The following PDE1C variants were observed in gnomAD, a reference collection of about 807,000 sequenced individuals.
PDE1C encodes dual specificity calcium/calmodulin-dependent 3',5'-cyclic nucleotide phosphodiesterase 1C.
Under a neutral mutation model 93.1 loss-of-function variants are expected in PDE1C, and 62 were observed. The ratio of observed to expected loss-of-function variants is 0.67; its 90% CI spans 0.54 to 0.82. The LOEUF is 0.82. PDE1C is among the 40% of genes least tolerant of loss of function. PDE1C has a pLI of 0.00. For synonymous variants in PDE1C, 325 were observed against 310.1 expected, an observed-to-expected ratio of 1.05 and a Z score of -0.50; for missense variants, 742 against 884.6, an observed-to-expected ratio of 0.84 and a Z score of 2.04.
chr7:31,619,620 G>C, the PDE1C span, among the ~76,000 whole-genome samples: 1 of 152,086 alleles, frequency 6.6e-6, no homozygotes, highest in African/African-American at 2.4e-5. Flanking sequence ...TAAAGAAGGG[G>C]GAGGAGCCAA....
At chr7:32,401,028 T>C (rs1042343440) in intron 1 of PDE1C, among the ~76,000 whole-genome samples, 2 of 152,252 alleles carry the variant, frequency 1.3e-5, no homozygotes, top group Non-Finnish European at 1.5e-5. Context: ...GCTGCCCGTA[T>C]ACTTTTCACA....
At chr7:31,891,177 G>C (rs571676559) in intron 2 of PDE1C, among the ~76,000 whole-genome samples, 189 of 152,270 alleles carry the variant, frequency 1.2e-3, no homozygotes, top group African/African-American at 4.4e-3. Context: ...ATGTGCGAGA[G>C]GTTTTTATGA....
intron 3 of PDE1C, among the ~76,000 whole-genome samples, chr7:32,135,191 A>G (rs1465623213): frequency 6.6e-6 from 1 of 152,202 alleles, no homozygotes; most frequent in African/African-American, 2.4e-5. Context: ...AAAATGTAAT[A>G]CAATAGAGAA....
At chr7:31,673,263 T>A in the PDE1C span, among the ~76,000 whole-genome samples, 1 of 152,172 alleles carries the variant, frequency 6.6e-6, no homozygotes, top group South Asian at 2.1e-4. Context: ...AGATGAAGAT[T>A]CTGTTTGATT....
At chr7:32,419,117 A>C (rs972888998) in intron 1 of PDE1C, among the ~76,000 whole-genome samples, 1 of 152,214 alleles carries the variant, frequency 6.6e-6, no homozygotes, top group Non-Finnish European at 1.5e-5. Flanking sequence ...TTTTTTAAAT[A>C]TCTTTACTCA....
At chr7:32,288,484 G>T (rs552890566) in intron 1 of PDE1C, among the ~76,000 whole-genome samples, 2 of 152,234 alleles carry the variant, frequency 1.3e-5, no homozygotes, top group African/African-American at 4.8e-5. Flanking sequence ...TAAACGGTTG[G>T]CCTCATGAAT....
Position 31,903,020 on chromosome 7 carries a change from C to T in PDE1C, c.129-22160G>A, listed in dbSNP as rs116677950. On this transcript the variant is annotated intron_variant, in intron 2 of 17. Coordinates refer to ENST00000396191, the MANE Select transcript of PDE1C (RefSeq NM_001191057.4). ...TACATATCAGAATATTTTATAACTG[C>T]ATATTTCATTTGAACAAATAAACTT... 5.7e-3 allele frequency among the ~76,000 whole-genome samples: 865 copies of T among 151,756 alleles called. 10 individuals are homozygous for T. The highest frequency in any genetic ancestry group is 0.019 in the African/African-American group (805 of 41,506).
At chr7:31,754,420 T>G (rs1284219346) in intron 17 of PDE1C, among the ~76,000 whole-genome samples, 1 of 152,206 alleles carries the variant, frequency 6.6e-6, no homozygotes, top group Non-Finnish European at 1.5e-5. Context: ...TATGTCCACA[T>G]AAAAACCCAC....
the PDE1C span, among the ~76,000 whole-genome samples, chr7:31,694,459 T>C: frequency 6.6e-6 from 1 of 151,548 alleles, no homozygotes; most frequent in African/African-American, 2.4e-5. Flanking sequence ...ATTGAGAGAA[T>C]ATTAGTTTCT....
At chr7:31,644,134 G>A in the PDE1C span, among the ~76,000 whole-genome samples, 5 of 152,212 alleles carry the variant, frequency 3.3e-5, no homozygotes, top group Middle Eastern at 3.4e-3. Context: ...ATTTCTTCTC[G>A]ATACTTCCAA....
intron 2 of PDE1C, among the ~76,000 whole-genome samples, chr7:32,008,315 T>G (rs1786547574): frequency 6.6e-6 from 1 of 152,192 alleles, no homozygotes; most frequent in Admixed American, 6.5e-5. Context: ...ATCCTCTGAA[T>G]TTGTTGACTT....
Position 31,824,914 on chromosome 7 carries a change from T to G in PDE1C, c.1359A>C (p.Leu453Phe). ...TDMTEKIVSP[L>F]IDETSQTGGT... ...CACCAGTTTGAGAGGTTTCATCGAT[T>G]AATGGACTCACAATCTTCTCGGTCA... Residue 453 changes from leucine to phenylalanine, a missense_variant, in exon 13 of 18, where the codon TTA becomes TTC. Physicochemically the swap from Leu to Phe is conservative, Grantham distance 22. Coordinates refer to ENST00000396191, the MANE Select transcript of PDE1C (RefSeq NM_001191057.4). 1.9e-6 allele frequency: 3 copies of G among 1,613,352 alleles called. No homozygotes were observed. The highest frequency in any genetic ancestry group is 2.5e-6 in the Non-Finnish European group (3 of 1,179,494).
chr7:31,893,537 A>T (rs1424280712), intron 2 of PDE1C: 4 of 969,594 alleles, frequency 4.1e-6, no homozygotes, highest in African/African-American at 1.8e-5. Context: ...GAAGAATGGG[A>T]CTCCTTTCAC....
intron 6 of PDE1C, among the ~76,000 whole-genome samples, chr7:31,869,064 G>A (rs2191867): frequency 0.97 from 147,915 of 152,168 alleles, 72,020 homozygotes; most frequent in East Asian, 1. Flanking sequence ...CCTGGAAACA[G>A]AGAAACAACA....
At chr7:32,113,164 G>A (rs1315678895) in intron 3 of PDE1C, among the ~76,000 whole-genome samples, 1 of 144,612 alleles carries the variant, frequency 6.9e-6, no homozygotes, top group South Asian at 2.2e-4. Context: ...ATCATGACAT[G>A]AAGTTTCAAA....
chr7:31,861,996 T>G lies in PDE1C; in HGVS notation c.750+2946A>C, dbSNP rs182448975. Among the ~76,000 whole-genome samples the G allele has an allele frequency of 3.5e-3, 535 of 152,300 alleles. 2 individuals are homozygous for G. The highest frequency in any genetic ancestry group is 0.012 in the African/African-American group (485 of 41,564). ...CCATCATGTGCTGTTCCCACTAGGC[T>G]TGCCTTACTTCTGCTCCTTGAATGT... On this transcript the variant is annotated intron_variant, in intron 7 of 17. Coordinates refer to ENST00000396191, the MANE Select transcript of PDE1C (RefSeq NM_001191057.4).
At chr7:32,333,362 C>T (rs1194999587) in intron 1 of PDE1C, among the ~76,000 whole-genome samples, 2 of 152,136 alleles carry the variant, frequency 1.3e-5, no homozygotes, top group East Asian at 3.8e-4. Context: ...GTGTTTTAAA[C>T]AAGCGTATAT....
intron 11 of PDE1C, among the ~76,000 whole-genome samples, chr7:31,834,947 C>T (rs977428577): frequency 6.6e-6 from 1 of 152,044 alleles, no homozygotes; most frequent in Non-Finnish European, 1.5e-5. Flanking sequence ...TGGGATGAAC[C>T]TGGTGAGAGA....
At chr7:32,418,555 C>T (rs764167520) in intron 1 of PDE1C, among the ~76,000 whole-genome samples, 18 of 152,146 alleles carry the variant, frequency 1.2e-4, no homozygotes, top group African/African-American at 2.9e-4. Flanking sequence ...AGCATCCTTG[C>T]GTGACAATAA....
Sources: gnomAD v4.1 joint callset for allele counts (sites outside exome capture counted in the v4.1 genomes callset) on GRCh38, gnomAD v4.1.1 for gene constraint, MANE v1.5 for transcripts, NCBI Gene and HGNC (gene_info 2026-07-23, HGNC 2026-07-21) for gene names.